Variants in CDH23 observed in about 807,000 individuals in gnomAD.
CDH23 encodes the protein cadherin-23.
CDH23 carries 189 observed loss-of-function variants against 317.1 expected under a neutral mutation model. The observed-to-expected ratio is 0.60, with a 90% CI of 0.53 to 0.67. The LOEUF (loss-of-function observed/expected upper bound fraction) is 0.67. CDH23 is among the 30% of genes least tolerant of loss of function. The probability of loss-of-function intolerance (pLI) is 0.00; values close to 1 mark genes in which losing one functional copy is unlikely to be tolerated. For synonymous variants in CDH23, 1,839 were observed against 1,876.8 expected (o/e 0.98, Z 0.52); for missense variants, 4,401 against 4,592.4 (o/e 0.96, Z 1.20).
intron 21 of CDH23, 148 bp from the exon 22 acceptor site, chr10:71,695,270 G>C: frequency 3.0e-6 from 2 of 667,492 alleles, no homozygotes; most frequent in Non-Finnish European, 5.5e-6. Context: ...CGAAAGCCCA[G>C]GCTCTGCCCA....
chr10:71,810,053 A>T lies in CDH23; in HGVS notation c.8956A>T (p.Ile2986Phe). ...CCTGCTCTCCAACATCACTGGGGCCATTGTCAATACTGACAATGTGCAGGT... is the reference window on the plus strand; with the variant it reads ...CCTGCTCTCCAACATCACTGGGGCCTTTGTCAATACTGACAATGTGCAGGT... ...IHLLSNITGA[I>F]VNTDNVQFHV... is the part of the protein sequence containing the mutation. The change falls in exon 61 of 70, where the codon ATT (isoleucine) becomes TTT (phenylalanine). Residue 2986 changes from isoleucine to phenylalanine, a missense_variant. Physicochemically the swap from Ile to Phe is conservative, Grantham distance 21. This residue lies in a region of CDH23 where 1,144 missense variants were observed against 1,138.2 expected (regional missense o/e 1.01). Transcript: ENST00000224721. 6.2e-7 allele frequency: 1 copy of T among 1,612,604 alleles called. No individual in the cohort carries two copies. The highest frequency in any genetic ancestry group is 8.5e-7 in the Non-Finnish European group (1 of 1,179,836).
chr10:71,556,641 AG>A (rs1357244923), intron 6 of CDH23, among the ~76,000 whole-genome samples: 1 of 152,074 alleles, frequency 6.6e-6, no homozygotes, highest in African/African-American at 2.4e-5. Flanking sequence ...GTGCAGCCAT[AG>A]GGAAAAACTG....
chr10:71,439,009 G>A (rs763088188), intron 1 of CDH23, among the ~76,000 whole-genome samples: 11 of 152,140 alleles, frequency 7.2e-5, no homozygotes, highest in Non-Finnish European at 1.0e-4. Flanking sequence ...GAGGACCAGG[G>A]CCCTGATGGA....
At chr10:71,639,004 C>T (rs369652239) in intron 11 of CDH23, among the ~76,000 whole-genome samples, 4 of 152,118 alleles carry the variant, frequency 2.6e-5, no homozygotes, top group Non-Finnish European at 4.4e-5. Flanking sequence ...AGGAGCTACA[C>T]GGGGAGGGAC....
rs548188123 is a variant in CDH23, at chr10:71,803,066, C to G, written c.7651C>G (p.Pro2551Ala). Residue 2551 changes from proline (P) to alanine (A), a missense_variant, in exon 54 of 70, where the codon CCT becomes GCT. Physicochemically the swap from Pro to Ala is conservative, Grantham distance 27. Coordinates refer to ENST00000224721, the MANE Select transcript of CDH23 (RefSeq NM_022124.6). ...NGELTYSLEGPGVEAFHVDMD... is the reference protein window; with the variant it reads ...NGELTYSLEGAGVEAFHVDMD... ...AGAGTTGACCTACTCACTTGAGGGC[C>G]CTGGCGTGGGTATGTGGCCTTCCTT... 1.9e-6 allele frequency: 3 copies of G among 1,609,750 alleles called. No individual in the cohort carries two copies. The highest frequency in any genetic ancestry group is 2.7e-5 in the African/African-American group (2 of 74,966).
chr10:71,689,065 G>A (rs868371508), intron 19 of CDH23, among the ~76,000 whole-genome samples: 963 of 120,416 alleles, frequency 8.0e-3, no homozygotes, highest in South Asian at 0.011. Flanking sequence ...GGTGGAGCCA[G>A]GGGTGGTGGA....
intron 14 of CDH23, among the ~76,000 whole-genome samples, chr10:71,664,998 TA>T (rs921504260): frequency 6.6e-5 from 10 of 152,256 alleles, no homozygotes; most frequent in Non-Finnish European, 1.3e-4. Flanking sequence ...GCTTGTCTGC[TA>T]AAAAAAGATC....
intron 6 of CDH23, among the ~76,000 whole-genome samples, chr10:71,532,711 G>GTTTTTTTTTTTTTTTTTTT (rs531593760): frequency 2.3e-5 from 3 of 128,098 alleles, no homozygotes; most frequent in Non-Finnish European, 3.5e-5. Flanking sequence ...TTTTGTTTTT[G>GTTTTTTTTTTTTTTTTTTT]TTTTTTTTTT....
chr10:71,408,360 T>C (rs1281556450), intron 1 of CDH23, among the ~76,000 whole-genome samples: 1 of 152,012 alleles, frequency 6.6e-6, no homozygotes, highest in African/African-American at 2.4e-5. Flanking sequence ...GATGTGTGTG[T>C]GTTAGAAGAA....
Position 71,811,496 on chromosome 10 carries a change from G to C in CDH23, c.9199-15G>C, listed in dbSNP as rs572263268. 1.2e-6 allele frequency: 2 copies of C among 1,613,904 alleles called. No homozygotes were observed. The highest frequency in any genetic ancestry group is 1.7e-6 in the Non-Finnish European group (2 of 1,179,884). ...CTCCCCACTGCCCGGGCTTACCCTG[G>C]TCCTGCTCCCGCAGATGGCGATCAT... On this transcript the variant is annotated splice_polypyrimidine_tract_variant and intron_variant, in intron 63 of 69. Transcript: ENST00000224721.
intron 1 of CDH23, among the ~76,000 whole-genome samples, chr10:71,426,545 A>G (rs1271352827): frequency 6.6e-6 from 1 of 151,896 alleles, no homozygotes; most frequent in Admixed American, 6.6e-5. Context: ...TCTGGCTGGG[A>G]GTGAGAGGTG....
chr10:71,642,665 G>A (rs1862614670), intron 11 of CDH23, among the ~76,000 whole-genome samples: 1 of 152,124 alleles, frequency 6.6e-6, no homozygotes, highest in Non-Finnish European at 1.5e-5. Context: ...TTCCCGACGT[G>A]CTGGGATTAC....
At chr10:71,460,751 C>T (rs1054016013) in intron 3 of CDH23, among the ~76,000 whole-genome samples, 2 of 152,340 alleles carry the variant, frequency 1.3e-5, no homozygotes, top group South Asian at 2.1e-4. Context: ...CTCATCCCAG[C>T]CCCGTCTCTT....
intron 22 of CDH23, among the ~76,000 whole-genome samples, chr10:71,701,220 G>T (rs1865571696): frequency 6.6e-6 from 1 of 152,216 alleles, no homozygotes; most frequent in South Asian, 2.1e-4. Context: ...TCTGGGCTCT[G>T]CTTTCTCCTT....
chr10:71,524,014 A>G (rs990830930), intron 6 of CDH23, among the ~76,000 whole-genome samples: 2 of 152,178 alleles, frequency 1.3e-5, no homozygotes, highest in Non-Finnish European at 2.9e-5. Flanking sequence ...ATGAACTCCC[A>G]GCTTCCCCTG....
intron 11 of CDH23, among the ~76,000 whole-genome samples, chr10:71,641,854 G>A (rs1253459955): frequency 1.3e-5 from 2 of 152,142 alleles, no homozygotes; most frequent in Non-Finnish European, 2.9e-5. Context: ...TAAGGAGGGT[G>A]GATCATTTGA....
In CDH23 at chr10:71,622,224, T is replaced by A. The variant is rs536829062; in HGVS notation, c.1134+4831T>A. 6.6e-5 allele frequency among the ~76,000 whole-genome samples: 10 copies of A among 152,216 alleles called. No homozygotes were observed. In the South Asian group the frequency reaches 2.1e-3, roughly 32 times the overall value. On this transcript the variant is annotated intron_variant, in intron 11 of 69. Coordinates refer to ENST00000224721, the MANE Select transcript of CDH23 (RefSeq NM_022124.6). Reference sequence around the variant, plus strand: ...TGGAGTCCTATAATGTATATATCCTTAAACCCCCTGTGCCGCCCTTGCCCC... The same window carrying A: ...TGGAGTCCTATAATGTATATATCCTAAAACCCCCTGTGCCGCCCTTGCCCC...
chr10:71,627,036 T>C (rs922549062), intron 11 of CDH23, among the ~76,000 whole-genome samples: 2 of 152,152 alleles, frequency 1.3e-5, no homozygotes, highest in Non-Finnish European at 2.9e-5. Flanking sequence ...CTCTGGTGAC[T>C]CTGACCTCGC....
chr10:71,453,923 A>G (rs1481411607), intron 3 of CDH23, among the ~76,000 whole-genome samples: 2 of 152,210 alleles, frequency 1.3e-5, no homozygotes, highest in Non-Finnish European at 2.9e-5. Flanking sequence ...CCTGATAGAT[A>G]TCAGCTCTAC....
Sources: allele counts gnomAD v4.1 joint callset (sites outside exome capture counted in the v4.1 genomes callset), GRCh38; gene constraint gnomAD v4.1.1; regional missense constraint gnomAD v4.1.1; transcripts MANE v1.5; gene names NCBI Gene and HGNC (gene_info 2026-07-23, HGNC 2026-07-21).